Variants in BIRC2 observed in about 807,000 individuals in gnomAD.
The protein encoded by BIRC2 is baculoviral IAP repeat-containing protein 2.
BIRC2 carries 18 observed loss-of-function variants against 60.9 expected under a neutral mutation model. The observed-to-expected ratio is 0.30, with a 90% CI of 0.20 to 0.44. The LOEUF is 0.44. Ranked by LOEUF, BIRC2 falls within the 20% of genes least tolerant of loss-of-function variation. The pLI, the probability that BIRC2 is intolerant of heterozygous loss-of-function variation, is 1.00. For synonymous variants in BIRC2, 282 were observed against 247.7 expected, an observed-to-expected ratio of 1.14 and a Z score of -1.30; for missense variants, 701 against 728.5, an observed-to-expected ratio of 0.96 and a Z score of 0.43.
chr11:102,350,912 C>T lies in BIRC2; in HGVS notation c.964C>T (p.Pro322Ser). The T allele has an allele frequency of 6.2e-7, 1 of 1,613,856 alleles. No individual in the cohort carries two copies. The highest frequency in any genetic ancestry group is 8.5e-7 in the Non-Finnish European group (1 of 1,179,920). Residue 322 changes from proline to serine, a missense_variant, in exon 3 of 9, where the codon CCA becomes TCA. Pro to Ser is a moderately conservative substitution (Grantham distance 74). Coordinates refer to ENST00000227758, the MANE Select transcript of BIRC2 (RefSeq NM_001166.5). ...GLRCWESGDD[P>S]WVEHAKWFPR... is the part of the protein sequence containing the mutation. ...GAGGTGTTGGGAATCTGGAGATGATCCATGGGTAGAACATGCCAAGTGGTT... is the reference window on the plus strand; with the variant it reads ...GAGGTGTTGGGAATCTGGAGATGATTCATGGGTAGAACATGCCAAGTGGTT...
At chr11:102,347,995 A>T (rs967579388) in intron 1 of BIRC2, 1 of 152,234 alleles carries the variant, frequency 6.6e-6, no homozygotes, top group African/African-American at 2.4e-5. Context: ...TAAAGCAATC[A>T]TGCCAGTGGT....
intron 6 of BIRC2, among the ~76,000 whole-genome samples, chr11:102,374,845 C>T (rs1047081460): frequency 2.6e-5 from 4 of 152,244 alleles, no homozygotes; most frequent in African/African-American, 9.6e-5. Context: ...ACCCTCCGAG[C>T]CAGGTGTGGG....
chr11:102,373,077 G>T (rs2135822794), intron 6 of BIRC2, among the ~76,000 whole-genome samples: 1 of 149,884 alleles, frequency 6.7e-6, no homozygotes. Context: ...ACGTGAGATG[G>T]GTTTCCTGAA....
At chr11:102,356,741 C>T (rs1363014647) in intron 3 of BIRC2, among the ~76,000 whole-genome samples, 1 of 147,590 alleles carries the variant, frequency 6.8e-6, no homozygotes, top group African/African-American at 2.5e-5. Context: ...TGCAGTGATG[C>T]AATCTCAGTT....
At chr11:102,373,600 A>G (rs113324442) in intron 6 of BIRC2, among the ~76,000 whole-genome samples, 2 of 151,002 alleles carry the variant, frequency 1.3e-5, no homozygotes, top group African/African-American at 4.9e-5. Flanking sequence ...TGCCCTTAAC[A>G]TTTTTTCCTT....
At chr11:102,370,081 G>A (rs1438958624) in intron 6 of BIRC2, among the ~76,000 whole-genome samples, 1 of 151,668 alleles carries the variant, frequency 6.6e-6, no homozygotes, top group African/African-American at 2.4e-5. Flanking sequence ...TGTCAGATGA[G>A]TAGGTTGCGA....
intron 6 of BIRC2, among the ~76,000 whole-genome samples, chr11:102,373,298 G>A (rs1309825934): frequency 6.6e-6 from 1 of 152,206 alleles, no homozygotes; most frequent in African/African-American, 2.4e-5. Context: ...TTTTGCAGCT[G>A]CTGGTACCGG....
chr11:102,374,687 G>C (rs1951684267), intron 6 of BIRC2, among the ~76,000 whole-genome samples: 1 of 152,272 alleles, frequency 6.6e-6, no homozygotes, highest in Admixed American at 6.5e-5. Context: ...GAGCTGTGGT[G>C]GGCTCCACCC....
In BIRC2 at chr11:102,362,992, A is replaced by G. The variant is rs766784239; in HGVS notation, c.1074+18A>G. On this transcript the variant is annotated intron_variant, in intron 4 of 8. Coordinates refer to ENST00000227758, the MANE Select transcript of BIRC2 (RefSeq NM_001166.5). Reference sequence around the variant, plus strand: ...TTGAACAGGTAAATACATTTTTAAAATTAACAACATTGAATTCTGCTTTAT... The same window carrying G: ...TTGAACAGGTAAATACATTTTTAAAGTTAACAACATTGAATTCTGCTTTAT... 62 of 1,525,854 alleles carry G rather than the reference A, an allele frequency of 4.1e-5. No individual in the cohort carries two copies. Among genetic ancestry groups the G allele is most frequent in the Non-Finnish European group, 5.3e-5 (59 of 1,103,896 alleles). 94.5% of individuals were successfully genotyped at this position (1,525,854 alleles called of 1,614,324 possible).
At position 102,374,404 on chromosome 11, in the gene BIRC2, C is replaced by T. The variant is rs1309798255; in HGVS notation, c.1367-3092C>T. On this transcript the variant is annotated intron_variant, in intron 6 of 8. Transcript: ENST00000227758. ...TTCTAACAGACAGGACCCTCAGCTG[C>T]AGGTCTGTTGGAATACCCTGCCGTG... Among the ~76,000 whole-genome samples the T allele has an allele frequency of 4.0e-5, 6 of 148,208 alleles. No individual in the cohort carries two copies. In the East Asian group the frequency reaches 9.8e-4, roughly 24 times the overall value.
At chr11:102,370,090 G>A (rs1458324542) in intron 6 of BIRC2, among the ~76,000 whole-genome samples, 40 of 151,318 alleles carry the variant, frequency 2.6e-4, no homozygotes, top group East Asian at 1.6e-3. Context: ...AGTAGGTTGC[G>A]AAAATTTTCT....
chr11:102,355,974 T>A (rs1050941777), intron 3 of BIRC2, among the ~76,000 whole-genome samples: 2 of 152,162 alleles, frequency 1.3e-5, no homozygotes, highest in Non-Finnish European at 2.9e-5. Context: ...CTGGATGGTT[T>A]ATTAGTTTTA....
chr11:102,375,156 C>G (rs150320833), intron 6 of BIRC2, among the ~76,000 whole-genome samples: 1 of 152,166 alleles, frequency 6.6e-6, no homozygotes, highest in Non-Finnish European at 1.5e-5. Context: ...AGCTGTACAC[C>G]GGAGCTGTTC....
At chr11:102,366,930 TC>T (rs1256534130) in intron 5 of BIRC2, among the ~76,000 whole-genome samples, 10 of 152,210 alleles carry the variant, frequency 6.6e-5, no homozygotes, top group African/African-American at 2.4e-4. Flanking sequence ...TCTACCACCT[TC>T]TTTCTGTTTC....
intron 3 of BIRC2, among the ~76,000 whole-genome samples, chr11:102,362,010 C>G (rs1374748941): frequency 6.6e-6 from 1 of 152,084 alleles, no homozygotes; most frequent in African/African-American, 2.4e-5. Context: ...CAGTCTGCGG[C>G]TTTTCATTTC....
chr11:102,374,185 A>G (rs1053309842), intron 6 of BIRC2, among the ~76,000 whole-genome samples: 2 of 151,268 alleles, frequency 1.3e-5, no homozygotes, highest in East Asian at 1.9e-4. Flanking sequence ...GTCATTCTCC[A>G]TCCAGCTTTG....
At chr11:102,368,692 C>A in intron 6 of BIRC2, 144 bp downstream of exon 6, 1 of 1,170,454 alleles carries the variant, frequency 8.5e-7, no homozygotes, top group Non-Finnish European at 1.2e-6. Context: ...CCCTCCTTTT[C>A]TACCCCTTTC....
chr11:102,365,743 A>AGTGTGTGTGTGTGTGTGTGTGT (rs34130638), intron 5 of BIRC2, among the ~76,000 whole-genome samples: 21 of 147,664 alleles, frequency 1.4e-4, no homozygotes, highest in African/African-American at 5.2e-4. Context: ...CATTCAGCTA[A>AGTGTGTGTGTGTGTGTGTGTGT]GTGTGTGTGT....
rs755242949 is a variant in BIRC2, at chr11:102,350,031, G to T, written c.177G>T (p.Gly59=). 1 of 1,614,140 alleles carries T rather than the reference G, an allele frequency of 6.2e-7. No homozygotes were observed. Among genetic ancestry groups the T allele is most frequent in the South Asian group, 1.1e-5 (1 of 91,082 alleles). ...RMSTYSTFPA[G]VPVSERSLAR... Reference sequence around the variant, plus strand: ...CTACATATTCAACTTTCCCCGCCGGGGTGCCTGTCTCAGAAAGGAGTCTTG... The same window carrying T: ...CTACATATTCAACTTTCCCCGCCGGTGTGCCTGTCTCAGAAAGGAGTCTTG... Residue 59 remains glycine, a synonymous_variant, in exon 2 of 9, where the codon GGG becomes GGT. Coordinates refer to ENST00000227758, the MANE Select transcript of BIRC2 (RefSeq NM_001166.5).
Sources: allele counts gnomAD v4.1 joint callset (sites outside exome capture counted in the v4.1 genomes callset), GRCh38; gene constraint gnomAD v4.1.1; transcripts MANE v1.5; gene names NCBI Gene and HGNC (gene_info 2026-07-23, HGNC 2026-07-21).